The following KCNQ5 variants were observed in gnomAD, a reference collection of about 807,000 sequenced individuals.
KCNQ5 encodes potassium voltage-gated channel subfamily Q member 5.
KCNQ5 carries 30 observed loss-of-function variants against 98.2 expected under a neutral mutation model. The ratio of observed to expected loss-of-function variants is 0.31; its 90% CI spans 0.23 to 0.41. KCNQ5 has a LOEUF of 0.41. Ranked by LOEUF, KCNQ5 falls within the 10% of genes least tolerant of loss-of-function variation. The pLI, the probability that KCNQ5 is intolerant of heterozygous loss-of-function variation, is 1.00. For synonymous variants in KCNQ5, 458 were observed against 449.4 expected (o/e 1.02, Z -0.24); for missense variants, 835 against 1,182.5 (o/e 0.71, Z 4.31).
At chr6:72,647,723 A>G (rs1238018684) in intron 1 of KCNQ5, among the ~76,000 whole-genome samples, 1 of 152,182 alleles carries the variant, frequency 6.6e-6, no homozygotes, top group African/African-American at 2.4e-5. Context: ...ATCATTATGT[A>G]TTGCGCCATA....
rs547549532 is a variant in KCNQ5, at chr6:73,016,758, A to G, written c.489+12760A>G. Among the ~76,000 whole-genome samples, 8 of 152,264 alleles carry G rather than the reference A, an allele frequency of 5.3e-5. No individual in the cohort carries two copies. The South Asian group carries it at 1.5e-3, about 28-fold the overall frequency. On this transcript the variant is annotated intron_variant, in intron 2 of 13. Coordinates refer to ENST00000370398, the MANE Select transcript of KCNQ5 (RefSeq NM_019842.4). ...GTTAAACCAAAACTGTAAGTCCTGT[A>G]TAATTGGTTTGTGCCTCACAGAAAT... is the stretch of plus-strand genomic sequence containing the variant.
intron 1 of KCNQ5, among the ~76,000 whole-genome samples, chr6:72,846,068 A>T (rs903676434): frequency 3.3e-5 from 5 of 152,336 alleles, no homozygotes; most frequent in African/African-American, 1.2e-4. Flanking sequence ...GCTTATTAAC[A>T]TCAGCAGTAT....
intron 5 of KCNQ5, among the ~76,000 whole-genome samples, chr6:73,103,952 T>C (rs1318097892): frequency 6.6e-6 from 1 of 152,058 alleles, no homozygotes; most frequent in Non-Finnish European, 1.5e-5. Flanking sequence ...CATGCCAGTA[T>C]CAAAATATCC....
chr6:72,896,000 A>G (rs1024790543), intron 1 of KCNQ5, among the ~76,000 whole-genome samples: 4 of 152,170 alleles, frequency 2.6e-5, no homozygotes, highest in African/African-American at 9.7e-5. Context: ...ATTTTAAAAC[A>G]ATGTGCCTAA....
intron 1 of KCNQ5, among the ~76,000 whole-genome samples, chr6:72,757,392 A>T (rs1288458698): frequency 6.6e-6 from 1 of 152,204 alleles, no homozygotes; most frequent in Non-Finnish European, 1.5e-5. Flanking sequence ...GGTTATGTCC[A>T]GATAAAGTCA....
chr6:72,894,673 A>G (rs1302768559), intron 1 of KCNQ5, among the ~76,000 whole-genome samples: 1 of 152,176 alleles, frequency 6.6e-6, no homozygotes, highest in Non-Finnish European at 1.5e-5. Context: ...TTAACTGAAA[A>G]CTAGCATAAA....
At chr6:73,106,869 G>A (rs773580933) in intron 6 of KCNQ5, among the ~76,000 whole-genome samples, 4 of 152,096 alleles carry the variant, frequency 2.6e-5, no homozygotes, top group Non-Finnish European at 4.4e-5. Flanking sequence ...TAAGTCAAGT[G>A]CTTGTCATGA....
At chr6:72,734,541 A>G (rs1056962786) in intron 1 of KCNQ5, among the ~76,000 whole-genome samples, 3 of 152,086 alleles carry the variant, frequency 2.0e-5, no homozygotes, top group African/African-American at 7.2e-5. Flanking sequence ...TTTTAAATGT[A>G]GCATTGAAGT....
intron 3 of KCNQ5, among the ~76,000 whole-genome samples, chr6:73,053,100 C>T (rs1007304009): frequency 3.9e-5 from 6 of 152,056 alleles, no homozygotes; most frequent in African/African-American, 1.2e-4. Context: ...TGCTATTCTA[C>T]ATTCAAACAA....
intron 2 of KCNQ5, among the ~76,000 whole-genome samples, chr6:73,032,574 C>T (rs1405456482): frequency 6.6e-6 from 1 of 152,192 alleles, no homozygotes; most frequent in Non-Finnish European, 1.5e-5. Context: ...ATTTTGGAGA[C>T]ACTTTCGGTG....
chr6:73,168,801 T>C (rs1777900346), intron 10 of KCNQ5, among the ~76,000 whole-genome samples: 1 of 152,202 alleles, frequency 6.6e-6, no homozygotes, highest in African/African-American at 2.4e-5. Flanking sequence ...GTAATACATG[T>C]TCATTGGAGA....
chr6:72,880,437 A>G (rs535751050), intron 1 of KCNQ5, among the ~76,000 whole-genome samples: 1 of 152,096 alleles, frequency 6.6e-6, no homozygotes, highest in Admixed American at 6.5e-5. Flanking sequence ...TGACATAATT[A>G]CCTCCTAAAG....
rs1453015419 is a variant in KCNQ5 at position 72,652,216 on chromosome 6, C to A, written c.398+29629C>A. Among the ~76,000 whole-genome samples, 4 of 142,084 alleles carry A rather than the reference C, an allele frequency of 2.8e-5. No individual in the cohort carries two copies. In the East Asian group the frequency reaches 8.2e-4, roughly 29 times the overall value. The allele number at this position is 142,084 out of a possible 152,430, so 93.2% of individuals were successfully genotyped here. A position where few individuals can be genotyped will look rare whatever the true frequency, so the allele number is the denominator to read the frequency against. On this transcript the variant is annotated intron_variant, in intron 1 of 13. Transcript: ENST00000370398. ...AAAACATTCTGTAATGTGTAGGCAA[C>A]TTTAAAAGTGCTTGAGGCAGAAGCA...
chr6:72,868,874 G>A (rs140090416), intron 1 of KCNQ5, among the ~76,000 whole-genome samples: 19 of 152,292 alleles, frequency 1.2e-4, no homozygotes, highest in Non-Finnish European at 2.4e-4. Flanking sequence ...AAGTGGGGAT[G>A]GTTAATGGGT....
chr6:72,742,890 G>T (rs1265781161), intron 1 of KCNQ5, among the ~76,000 whole-genome samples: 1 of 152,176 alleles, frequency 6.6e-6, no homozygotes, highest in Non-Finnish European at 1.5e-5. Context: ...CAGACTGAAG[G>T]AGTGTGGGCT....
chr6:72,802,027 T>G (rs932626987), intron 1 of KCNQ5, among the ~76,000 whole-genome samples: 4 of 152,158 alleles, frequency 2.6e-5, no homozygotes, highest in Non-Finnish European at 5.9e-5. Flanking sequence ...CCTTTGAGGG[T>G]AACCCGACCT....
At chr6:72,624,229 A>T (rs1191507638) in intron 1 of KCNQ5, among the ~76,000 whole-genome samples, 1 of 152,214 alleles carries the variant, frequency 6.6e-6, no homozygotes, top group Non-Finnish European at 1.5e-5. Context: ...CTCTGACCTG[A>T]TATGTAATTA....
rs760027432 is a variant in KCNQ5, at chr6:73,133,598, C to T, written c.1425C>T (p.Pro475=). ...WSFNDRTRFR[P]SLRLKSSQPK... ...TCAACGACCGAACCCGCTTCCGGCCCTCGCTGCGCCTCAAAAGTTCTCAGC... is the reference window on the plus strand; with the variant it reads ...TCAACGACCGAACCCGCTTCCGGCCTTCGCTGCGCCTCAAAAGTTCTCAGC... Residue 475 remains proline, a synonymous_variant, in exon 10 of 14, where the codon CCC becomes CCT. Coordinates refer to ENST00000370398, the MANE Select transcript of KCNQ5 (RefSeq NM_019842.4). The T allele has an allele frequency of 8.1e-6, 13 of 1,614,220 alleles. No individual in the cohort carries two copies. In the South Asian group the frequency reaches 1.2e-4, roughly 15 times the overall value.
chr6:72,681,300 G>A (rs1767697724), intron 1 of KCNQ5, among the ~76,000 whole-genome samples: 3 of 152,172 alleles, frequency 2.0e-5, no homozygotes, highest in South Asian at 4.1e-4. Flanking sequence ...ATGATGATAA[G>A]AGATAATAAT....
Sources: allele counts gnomAD v4.1 joint callset (sites outside exome capture counted in the v4.1 genomes callset), GRCh38; gene constraint gnomAD v4.1.1; transcripts MANE v1.5; gene names NCBI Gene and HGNC (gene_info 2026-07-23, HGNC 2026-07-21).